Variants in LHFPL2 observed in about 807,000 individuals in gnomAD.
LHFPL2 encodes LHFPL tetraspan subfamily member 2, also known as LHFPL tetraspan subfamily member 2 protein.
In LHFPL2, 7 loss-of-function variants were observed where a neutral mutation model predicts 17.5. The ratio of observed to expected loss-of-function variants is 0.40; its 90% CI spans 0.23 to 0.75. The LOEUF (loss-of-function observed/expected upper bound fraction) is 0.75. LHFPL2 is among the 30% of genes least tolerant of loss of function. The pLI is 0.37. For synonymous variants in LHFPL2, 134 were observed against 116.2 expected (o/e 1.15, Z -0.99); for missense variants, 241 against 294.8 (o/e 0.82, Z 1.34).
chr5:78,518,121 A>G (rs946817531), intron 3 of LHFPL2, among the ~76,000 whole-genome samples: 2 of 152,264 alleles, frequency 1.3e-5, no homozygotes, highest in Non-Finnish European at 2.9e-5. Flanking sequence ...TAAAACTTGA[A>G]TTTCAGGAGT....
rs1395208206 is a variant in LHFPL2 at position 78,648,746 on chromosome 5, C to CCCGGGCT, written c.-604_-598dup. ...GAGAGAGCGCCAAGCTCGGCGGCCG[C>CCCGGGCT]CCGGGCTAGCACTCGGGGAGAGGGA... On this transcript the variant is annotated 5_prime_UTR_variant, in exon 1 of 5. Coordinates refer to ENST00000380345, the MANE Select transcript of LHFPL2 (RefSeq NM_005779.3). This position sits in a 1 kb window ranked among gnomAD's most constrained non-coding sequence, Gnocchi z 5.4. 17 of 151,914 alleles carry CCCGGGCT rather than the reference C, an allele frequency of 1.1e-4. No individual in the cohort carries two copies. Among genetic ancestry groups the CCCGGGCT allele is most frequent in the African/African-American group, 4.1e-4 (17 of 41,406 alleles). The allele number at this position is 151,914 out of a possible 1,614,324, so 9.4% of individuals were successfully genotyped here. A position where few individuals can be genotyped will look rare whatever the true frequency, so the allele number is the denominator to read the frequency against.
rs550275800 is a variant in LHFPL2 at position 78,569,264 on chromosome 5, A to G, written c.-244-4393T>C. ...TACCTGACTAGGAAGAGCTCATTAT[A>G]TTTTCAGTAGACACACTCTCTAAGG... On this transcript the variant is annotated intron_variant, in intron 2 of 4. Transcript: ENST00000380345. 9.9e-5 allele frequency among the ~76,000 whole-genome samples: 15 copies of G among 152,274 alleles called. No homozygotes were observed. In the South Asian group the frequency reaches 3.1e-3, roughly 32 times the overall value.
At chr5:78,615,057 CTT>C (rs931863422) in intron 2 of LHFPL2, among the ~76,000 whole-genome samples, 1 of 152,224 alleles carries the variant, frequency 6.6e-6, no homozygotes, top group African/African-American at 2.4e-5. Context: ...GCAGAAGAGA[CTT>C]TGACTTCCAC....
intron 2 of LHFPL2, among the ~76,000 whole-genome samples, chr5:78,569,011 G>A (rs1366707680): frequency 2.0e-5 from 3 of 152,036 alleles, no homozygotes; most frequent in Admixed American, 6.5e-5. Context: ...TTCAATCTAG[G>A]ACTTCTGACC....
intron 2 of LHFPL2, among the ~76,000 whole-genome samples, chr5:78,584,995 GTTTTTTTTTTTTTTTT>G (rs1163195083): frequency 7.4e-5 from 3 of 40,504 alleles, no homozygotes; most frequent in African/African-American, 8.1e-5. Flanking sequence ...GGTGCGCTGT[GTTTTTTTTTTTTTTTT>G]TTTTTTTTTT....
chr5:78,611,220 G>A (rs1021727008), intron 2 of LHFPL2, among the ~76,000 whole-genome samples: 2 of 152,174 alleles, frequency 1.3e-5, no homozygotes, highest in African/African-American at 2.4e-5. Flanking sequence ...TGCAGCACGC[G>A]TCCCCAGGCA....
chr5:78,507,184 GC>G (rs1754955954), intron 4 of LHFPL2, among the ~76,000 whole-genome samples: 1 of 152,142 alleles, frequency 6.6e-6, no homozygotes, highest in African/African-American at 2.4e-5. Flanking sequence ...ACAAAAATTA[GC>G]CAGGCATGGT....
intron 3 of LHFPL2, among the ~76,000 whole-genome samples, chr5:78,550,717 C>A (rs10942862): frequency 1.3e-5 from 2 of 151,694 alleles, no homozygotes; most frequent in African/African-American, 4.8e-5. Flanking sequence ...ATTACAGGTT[C>A]CCACCACCAG....
chr5:78,610,929 C>T (rs1299614291), intron 2 of LHFPL2, among the ~76,000 whole-genome samples: 5 of 151,614 alleles, frequency 3.3e-5, no homozygotes, highest in Non-Finnish European at 7.4e-5. Context: ...AAGCATTGCA[C>T]GGGCATTAAC....
At chr5:78,527,838 G>A (rs987460758) in intron 3 of LHFPL2, among the ~76,000 whole-genome samples, 2 of 152,154 alleles carry the variant, frequency 1.3e-5, no homozygotes. Context: ...CAGATACATG[G>A]CATTTACTGA....
At chr5:78,546,120 G>A (rs557449045) in intron 3 of LHFPL2, among the ~76,000 whole-genome samples, 4 of 152,162 alleles carry the variant, frequency 2.6e-5, no homozygotes, top group Admixed American at 6.5e-5. Flanking sequence ...AAGCACAAAC[G>A]CACACTTTCA....
chr5:78,610,733 G>A (rs1480026600), intron 2 of LHFPL2, among the ~76,000 whole-genome samples: 2 of 152,168 alleles, frequency 1.3e-5, no homozygotes, highest in Non-Finnish European at 2.9e-5. Context: ...TACACTAGCT[G>A]TTGCTGTCCC....
intron 1 of LHFPL2, among the ~76,000 whole-genome samples, chr5:78,632,828 C>T (rs775338759): frequency 3.3e-5 from 5 of 152,096 alleles, no homozygotes; most frequent in African/African-American, 7.2e-5. Flanking sequence ...TGCAGAGGCA[C>T]CAGCTGATTT....
intron 2 of LHFPL2, among the ~76,000 whole-genome samples, chr5:78,572,694 A>T: frequency 6.6e-6 from 1 of 152,102 alleles, no homozygotes; most frequent in East Asian, 1.9e-4. Context: ...GAGTTACTCA[A>T]GAGTTGTTCA....
chr5:78,630,736 C>A (rs1043107364), intron 2 of LHFPL2, among the ~76,000 whole-genome samples: 1 of 152,164 alleles, frequency 6.6e-6, no homozygotes, highest in Non-Finnish European at 1.5e-5. Context: ...AAGACAAATT[C>A]TTTTGCTTTA....
intron 2 of LHFPL2, among the ~76,000 whole-genome samples, chr5:78,627,318 C>T (rs1580871659): frequency 6.6e-6 from 1 of 152,162 alleles, no homozygotes; most frequent in South Asian, 2.1e-4. Flanking sequence ...CTGTGTCAGA[C>T]ACTCTAAAAG....
chr5:78,572,258 GC>G (rs1385910651), intron 2 of LHFPL2, among the ~76,000 whole-genome samples: 1 of 151,984 alleles, frequency 6.6e-6, no homozygotes, highest in Non-Finnish European at 1.5e-5. Context: ...CCCCAGAAAA[GC>G]ATGTGAAGTA....
At chr5:78,612,953 C>G (rs79182462) in intron 2 of LHFPL2, among the ~76,000 whole-genome samples, 1,807 of 152,320 alleles carry the variant, frequency 0.012, 35 homozygotes, top group African/African-American at 0.041. Flanking sequence ...ACCTCCCCAC[C>G]CAGCTCTTCC....
chr5:78,597,941 G>T (rs1743883037), intron 2 of LHFPL2, among the ~76,000 whole-genome samples: 1 of 152,202 alleles, frequency 6.6e-6, no homozygotes, highest in Admixed American at 6.5e-5. Context: ...TTTCCAGGAT[G>T]CAGAGCCAGA....
Sources: gnomAD v4.1 joint callset for allele counts (sites outside exome capture counted in the v4.1 genomes callset) on GRCh38, gnomAD v4.1.1 for gene constraint, Gnocchi (gnomAD v3.1) non-coding constraint, MANE v1.5 for transcripts, NCBI Gene and HGNC (gene_info 2026-07-23, HGNC 2026-07-21) for gene names.